The following DYM variants were observed in gnomAD, a reference collection of about 807,000 sequenced individuals.
The protein encoded by DYM is dyggve-Melchior-Clausen syndrome protein.
Under a neutral mutation model 93.1 loss-of-function variants are expected in DYM, and 78 were observed. The ratio of observed to expected loss-of-function variants is 0.84; its 90% CI spans 0.70 to 1.01. The LOEUF is 1.01. DYM is among the 50% of genes least tolerant of loss of function. DYM has a pLI of 0.00. For missense variants in DYM, 789 were observed against 845.0 expected (o/e 0.93, Z 0.82); for synonymous variants, 321 against 319.7 (o/e 1.00, Z -0.04).
chr18:49,365,664 T>C (rs114849611), intron 5 of DYM, among the ~76,000 whole-genome samples: 91 of 152,284 alleles, frequency 6.0e-4, no homozygotes, highest in African/African-American at 2.1e-3. Context: ...AATCACTCAG[T>C]GATTCCCTAA....
At chr18:49,158,776 G>T (rs2086730504) in intron 15 of DYM, among the ~76,000 whole-genome samples, 1 of 152,118 alleles carries the variant, frequency 6.6e-6, no homozygotes, top group Non-Finnish European at 1.5e-5. Flanking sequence ...GGGGCAGGGA[G>T]GGGATGATTA....
At chr18:49,069,044 G>A (rs556348702) in intron 17 of DYM, among the ~76,000 whole-genome samples, 11 of 152,320 alleles carry the variant, frequency 7.2e-5, no homozygotes, top group Non-Finnish European at 1.5e-4. Flanking sequence ...ATTGATTATG[G>A]AAGAAGGGAT....
chr18:49,345,315 T>A (rs911440797), intron 6 of DYM, among the ~76,000 whole-genome samples: 9 of 152,178 alleles, frequency 5.9e-5, no homozygotes, highest in Non-Finnish European at 1.0e-4. Flanking sequence ...CAGGGAATCC[T>A]GATAAATGGC....
At position 49,039,885 on chromosome 18, in the gene DYM, A is replaced by C. The variant is rs2070844439; in HGVS notation, c.*4170T>G. Reference sequence around the variant, plus strand: ...TTTCTATTGTCTGTGTTTTCCTCTAATGGTTTTAATTCAAGTAATTAATGT... The same window carrying C: ...TTTCTATTGTCTGTGTTTTCCTCTACTGGTTTTAATTCAAGTAATTAATGT... On this transcript the variant is annotated 3_prime_UTR_variant, in exon 18 of 18. Coordinates refer to ENST00000675505, the MANE Select transcript of DYM (RefSeq NM_001353214.3). The C allele has an allele frequency of 6.6e-6, 1 of 152,114 alleles. No individual in the cohort carries two copies. The highest frequency in any genetic ancestry group is 1.5e-5 in the Non-Finnish European group (1 of 68,024). 9.4% of individuals were successfully genotyped at this position (152,114 alleles called of 1,614,324 possible).
At chr18:49,239,607 C>T (rs1239695684) in intron 13 of DYM, among the ~76,000 whole-genome samples, 5 of 152,186 alleles carry the variant, frequency 3.3e-5, no homozygotes, top group South Asian at 2.1e-4. Flanking sequence ...AACCTGCCTG[C>T]GTTGCGGTGA....
At chr18:49,213,520 T>C (rs1194404515) in intron 13 of DYM, among the ~76,000 whole-genome samples, 1 of 152,200 alleles carries the variant, frequency 6.6e-6, no homozygotes, top group Non-Finnish European at 1.5e-5. Context: ...TTCCCCATAT[T>C]GGTCAAGCTG....
At chr18:49,185,449 T>A (rs1051190839) in intron 14 of DYM, among the ~76,000 whole-genome samples, 1 of 152,200 alleles carries the variant, frequency 6.6e-6, no homozygotes, top group Non-Finnish European at 1.5e-5. Flanking sequence ...TCTAGACAGG[T>A]AGAAGTTGTA....
chr18:49,413,458 A>G (rs1357428379), intron 2 of DYM, among the ~76,000 whole-genome samples: 1 of 147,440 alleles, frequency 6.8e-6, no homozygotes, highest in East Asian at 2.3e-4. Flanking sequence ...TTATATTATC[A>G]TTATATCATT....
intron 6 of DYM, among the ~76,000 whole-genome samples, chr18:49,338,528 G>T (rs945925695): frequency 2.6e-5 from 4 of 152,172 alleles, no homozygotes; most frequent in Admixed American, 2.6e-4. Flanking sequence ...TACAGCTGTA[G>T]TAAGAAAAAC....
chr18:49,116,599 C>A (rs2081947701), intron 16 of DYM: 1 of 152,064 alleles, frequency 6.6e-6, no homozygotes, highest in African/African-American at 2.4e-5. Flanking sequence ...GGATAAAGGC[C>A]CTGCTTGAGT....
At chr18:49,110,170 T>A (rs1009326385) in intron 16 of DYM, among the ~76,000 whole-genome samples, 2 of 152,220 alleles carry the variant, frequency 1.3e-5, no homozygotes, top group African/African-American at 4.8e-5. Flanking sequence ...AGGGACTATG[T>A]GGCCTGTGAA....
chr18:49,339,802 G>A (rs1191985110), intron 6 of DYM, among the ~76,000 whole-genome samples: 1 of 152,152 alleles, frequency 6.6e-6, no homozygotes, highest in Non-Finnish European at 1.5e-5. Context: ...TTTTTATGCA[G>A]CAATAGATGA....
intron 8 of DYM, among the ~76,000 whole-genome samples, chr18:49,287,648 G>GC (rs1038247461): frequency 8.6e-5 from 13 of 151,810 alleles, no homozygotes; most frequent in Non-Finnish European, 1.6e-4. Flanking sequence ...ACTTTGGGAG[G>GC]CCTGACCAAC....
chr18:49,292,620 A>C (rs1599187739), intron 8 of DYM, among the ~76,000 whole-genome samples: 2 of 141,142 alleles, frequency 1.4e-5, no homozygotes, highest in South Asian at 2.3e-4. Flanking sequence ...AAAAAAAAAA[A>C]AAAAACCCCC....
chr18:49,317,780 C>G (rs1351089512), intron 8 of DYM, among the ~76,000 whole-genome samples: 2 of 151,168 alleles, frequency 1.3e-5, no homozygotes, highest in African/African-American at 4.9e-5. Flanking sequence ...CTAAGCCATC[C>G]AGATTTTCAA....
At chr18:49,130,875 A>C (rs2083319791) in intron 15 of DYM, among the ~76,000 whole-genome samples, 1 of 152,168 alleles carries the variant, frequency 6.6e-6, no homozygotes. Context: ...GGAGGAGGAC[A>C]TAGACAAATA....
chr18:49,107,681 T>C (rs1349595384), intron 16 of DYM, among the ~76,000 whole-genome samples: 1 of 152,216 alleles, frequency 6.6e-6, no homozygotes, highest in Non-Finnish European at 1.5e-5. Flanking sequence ...CTCCAGACGC[T>C]GTTTGCCTGG....
intron 15 of DYM, among the ~76,000 whole-genome samples, chr18:49,162,125 C>T (rs1267558827): frequency 1.3e-5 from 2 of 152,206 alleles, no homozygotes; most frequent in African/African-American, 4.8e-5. Context: ...AGTCACACTA[C>T]TTTAAGAAAA....
intron 11 of DYM, among the ~76,000 whole-genome samples, chr18:49,267,353 T>C (rs952618057): frequency 6.6e-6 from 1 of 152,170 alleles, no homozygotes; most frequent in Non-Finnish European, 1.5e-5. Context: ...AAACATATCA[T>C]GTCCAAGTGC....
Sources: gnomAD v4.1 joint callset for allele counts (sites outside exome capture counted in the v4.1 genomes callset) on GRCh38, gnomAD v4.1.1 for gene constraint, MANE v1.5 for transcripts, NCBI Gene and HGNC (gene_info 2026-07-23, HGNC 2026-07-21) for gene names.